PARVG: variants seen among roughly 807,000 people sequenced by gnomAD.
PARVG encodes gamma-parvin.
A neutral mutation model predicts 44.4 loss-of-function variants in PARVG; 36 were observed. The ratio of observed to expected loss-of-function variants is 0.81; its 90% CI spans 0.62 to 1.07. The LOEUF (loss-of-function observed/expected upper bound fraction) is 1.07, where lower values mean the gene tolerates loss of function less well. Among genes scored for constraint, PARVG ranks in the 50% least tolerant of loss-of-function variants. The probability of loss-of-function intolerance (pLI) is 0.00; values close to 1 mark genes in which losing one functional copy is unlikely to be tolerated. For synonymous variants in PARVG, 170 were observed against 174.1 expected (o/e 0.98, Z 0.19); for missense variants, 407 against 407.4 (o/e 1.00, Z 0.01).
At chr22:44,185,916 G>A (rs780009088) in intron 4 of PARVG, 44 bp downstream of exon 4, 1 of 1,568,404 alleles carries the variant, frequency 6.4e-7, no homozygotes, top group South Asian at 1.1e-5. Flanking sequence ...GTGCCTCTTG[G>A]CAGACCAGGC....
rs1279155853 is a variant in PARVG at position 44,207,077 on chromosome 22, C to G, written c.*651C>G. 6.5e-6 allele frequency: 1 copy of G among 152,814 alleles called. No homozygotes were observed. Among genetic ancestry groups the G allele is most frequent in the Non-Finnish European group, 1.4e-5 (1 of 68,976 alleles). 9.5% of individuals were successfully genotyped at this position (152,814 alleles called of 1,614,324 possible). On this transcript the variant is annotated 3_prime_UTR_variant, in exon 14 of 14. Coordinates refer to ENST00000444313, the MANE Select transcript of PARVG (RefSeq NM_022141.7). ...TTAGTGGGTTCAGGTCATCTCCAGT[C>G]TGTCCTCGGGAGCTGTGGGTTCCCA...
chr22:44,188,720 A>G, intron 5 of PARVG: 1 of 196,158 alleles, frequency 5.1e-6, no homozygotes, highest in Non-Finnish European at 1.1e-5. Flanking sequence ...CAGGGGGGTC[A>G]GGATAGAAGC....
intron 7 of PARVG, 56 bp from the exon 8 acceptor site, chr22:44,191,993 T>G: frequency 6.3e-7 from 1 of 1,583,660 alleles, no homozygotes; most frequent in South Asian, 1.1e-5. Context: ...CTGGGGCTTC[T>G]TTGGGCCCCA....
chr22:44,204,711 C>A (rs753386577), intron 12 of PARVG, among the ~76,000 whole-genome samples: 1 of 152,222 alleles, frequency 6.6e-6, no homozygotes. Flanking sequence ...AGGGAGGGAA[C>A]GGGACCAGCA....
Position 44,181,040 on chromosome 22 carries a change from C to T in PARVG, c.-334C>T. 2 of 947,726 alleles carry T rather than the reference C, an allele frequency of 2.1e-6. No homozygotes were observed. The highest frequency in any genetic ancestry group is 2.5e-6 in the Non-Finnish European group (2 of 795,606). 58.7% of individuals were successfully genotyped at this position (947,726 alleles called of 1,614,324 possible). A position where few individuals can be genotyped will look rare whatever the true frequency, so the allele number is the denominator to read the frequency against. On this transcript the variant is annotated 5_prime_UTR_variant, in exon 1 of 14. Transcript: ENST00000444313. ...CTGTTTTCTCCACCTGCCACGTTCT[C>T]ACCCCTTCTTCTTCCACTGCAAACT... is the stretch of plus-strand genomic sequence containing the variant.
At chr22:44,183,062 C>T (rs1227888291) in intron 2 of PARVG, 2 of 489,438 alleles carry the variant, frequency 4.1e-6, no homozygotes, top group Admixed American at 4.2e-5. Flanking sequence ...GGAAGGACCA[C>T]TTCCTCCGCC....
chr22:44,204,496 C>T (rs1057371749), intron 12 of PARVG, among the ~76,000 whole-genome samples: 1 of 152,248 alleles, frequency 6.6e-6, no homozygotes, highest in Admixed American at 6.5e-5. Context: ...GGTGGCAGTA[C>T]ACAGACATCC....
At chr22:44,178,737 A>G (rs1290857177), upstream of PARVG, among the ~76,000 whole-genome samples, 1 of 152,200 alleles carries the variant, frequency 6.6e-6, no homozygotes, top group Non-Finnish European at 1.5e-5. Flanking sequence ...AGAGACATGA[A>G]AACCAAATGC....
In PARVG at chr22:44,181,940, C is replaced by T. The variant is rs2054385927; in HGVS notation, c.-13+23C>T. On this transcript the variant is annotated intron_variant, in intron 2 of 13. Transcript: ENST00000444313. ...TGGGTGAGTTCTGGCATCGGGGCCA[C>T]CATACTTGAGTGTTGGGGGTCACGG... 7 of 985,594 alleles carry T rather than the reference C, an allele frequency of 7.1e-6. No homozygotes were observed. In the African/African-American group the frequency reaches 1.0e-4, roughly 15 times the overall value. The allele number at this position is 985,594 out of a possible 1,614,324, so 61.1% of individuals were successfully genotyped here.
Position 44,190,587 on chromosome 22 carries a change from T to A in PARVG, c.425T>A (p.Leu142His), listed in dbSNP as rs760411275. 7 of 1,614,186 alleles carry A rather than the reference T, an allele frequency of 4.3e-6. No homozygotes were observed. The highest frequency in any genetic ancestry group is 5.9e-6 in the Non-Finnish European group (7 of 1,180,032). The change falls in exon 7 of 14, where the codon CTC becomes CAC. Residue 142 changes from leucine to histidine, a missense_variant. Transcript: ENST00000444313. ...FNKDLLSTLH[L>H]LVALAKRFQP... is the part of the protein sequence containing the mutation. ...AAGGACCTGTTGTCTACCCTGCACCTCCTTGTGGCCCTGGCCAAGCGCTTC... is the reference window on the plus strand; with the variant it reads ...AAGGACCTGTTGTCTACCCTGCACCACCTTGTGGCCCTGGCCAAGCGCTTC...
Position 44,208,174 on chromosome 22 carries a change from T to A in PARVG, c.*1748T>A, listed in dbSNP as rs1256626396. On this transcript the variant is annotated 3_prime_UTR_variant, in exon 14 of 14. Coordinates refer to ENST00000444313, the MANE Select transcript of PARVG (RefSeq NM_022141.7). ...CCTGGCTGTTCCACGTCCTCACTCT[T>A]GTTCTATTTGACAGCAATTAAAAAA... The A allele has an allele frequency of 6.6e-6, 1 of 152,224 alleles. No homozygotes were observed. Among genetic ancestry groups the A allele is most frequent in the African/African-American group, 2.4e-5 (1 of 41,470 alleles). 9.4% of individuals were successfully genotyped at this position (152,224 alleles called of 1,614,324 possible).
At chr22:44,178,787 T>TA (rs147204611), upstream of PARVG, among the ~76,000 whole-genome samples, 2 of 151,896 alleles carry the variant, frequency 1.3e-5, no homozygotes, top group Non-Finnish European at 2.9e-5. Context: ...GATCTTGGAT[T>TA]AAAAAAAATA....
intron 12 of PARVG, among the ~76,000 whole-genome samples, chr22:44,203,359 C>G (rs554177273): frequency 6.6e-6 from 1 of 152,184 alleles, no homozygotes; most frequent in Non-Finnish European, 1.5e-5. Context: ...GGAAACATGT[C>G]TAGTCTTGAA....
intron 1 of PARVG, among the ~76,000 whole-genome samples, chr22:44,173,813 C>T (rs1012276707): frequency 4.6e-5 from 7 of 152,020 alleles, no homozygotes; most frequent in African/African-American, 1.7e-4. Context: ...TGGTGGGGCC[C>T]GGGTTACAGC....
intron 4 of PARVG, chr22:44,186,214 A>G (rs2054467153): frequency 3.2e-6 from 1 of 308,854 alleles, no homozygotes; most frequent in Non-Finnish European, 6.5e-6. Flanking sequence ...AGCTGCCCGT[A>G]ACGGAGCTGT....
intron 11 of PARVG, among the ~76,000 whole-genome samples, chr22:44,198,092 T>C (rs1341146928): frequency 6.6e-6 from 1 of 152,234 alleles, no homozygotes; most frequent in Non-Finnish European, 1.5e-5. Context: ...GAAATTCCAT[T>C]AAGGGCTTCG....
In PARVG at chr22:44,182,970, G is replaced by A. The variant is rs2054405168; in HGVS notation, c.-12-348G>A. 2 of 301,852 alleles carry A rather than the reference G, an allele frequency of 6.6e-6. No homozygotes were observed. The highest frequency in any genetic ancestry group is 9.5e-5 in the East Asian group (1 of 10,562). The allele number at this position is 301,852 out of a possible 1,614,324, so 18.7% of individuals were successfully genotyped here. A position where few individuals can be genotyped will look rare whatever the true frequency, so the allele number is the denominator to read the frequency against. On this transcript the variant is annotated intron_variant, in intron 2 of 13. Coordinates refer to ENST00000444313, the MANE Select transcript of PARVG (RefSeq NM_022141.7). The surrounding 1 kb of genome is among the most constrained non-coding windows in gnomAD (Gnocchi z 4.6). Reference sequence around the variant, plus strand: ...GAGTGAGCTGTACCTACTTTGTCCTGTCTGGGATAGGGTGGGGGGTCCCTG... The same window carrying A: ...GAGTGAGCTGTACCTACTTTGTCCTATCTGGGATAGGGTGGGGGGTCCCTG...
intron 9 of PARVG, among the ~76,000 whole-genome samples, chr22:44,195,888 G>T (rs979016544): frequency 6.6e-6 from 1 of 152,164 alleles, no homozygotes; most frequent in African/African-American, 2.4e-5. Context: ...TGTGCCATGG[G>T]GCCATGTGTG....
At chr22:44,173,920 T>C (rs1436546604) in intron 1 of PARVG, among the ~76,000 whole-genome samples, 4 of 152,178 alleles carry the variant, frequency 2.6e-5, no homozygotes, top group Non-Finnish European at 5.9e-5. Context: ...AGCCCTGCAG[T>C]AGAGTGCCAG....
Sources: gnomAD v4.1 joint callset for allele counts (sites outside exome capture counted in the v4.1 genomes callset) on GRCh38, gnomAD v4.1.1 for gene constraint, Gnocchi (gnomAD v3.1) non-coding constraint, MANE v1.5 for transcripts, NCBI Gene and HGNC (gene_info 2026-07-23, HGNC 2026-07-21) for gene names.